ESR1: variants seen among roughly 807,000 people sequenced by gnomAD.
ESR1 encodes estrogen receptor 1.
In ESR1, 12 loss-of-function variants were observed where a neutral mutation model predicts 52.7. The ratio of observed to expected loss-of-function variants is 0.23; its 90% CI spans 0.15 to 0.37. The LOEUF is 0.37. ESR1 is among the 10% of genes least tolerant of loss of function. The pLI, the probability that ESR1 is intolerant of heterozygous loss-of-function variation, is 1.00. For synonymous variants in ESR1, 305 were observed against 316.8 expected, an observed-to-expected ratio of 0.96 and a Z score of 0.39; for missense variants, 584 against 779.7, an observed-to-expected ratio of 0.75 and a Z score of 2.99.
At chr6:151,665,201 G>A (rs1296572199) in intron 1 of ESR1, among the ~76,000 whole-genome samples, 1 of 152,094 alleles carries the variant, frequency 6.6e-6, no homozygotes, top group East Asian at 1.9e-4. Flanking sequence ...GAAGCCCTGG[G>A]AGTTCTCTAA....
intron 5 of ESR1, among the ~76,000 whole-genome samples, chr6:152,012,054 T>A (rs201785714): frequency 1.8e-4 from 21 of 118,128 alleles, no homozygotes; most frequent in Admixed American, 5.4e-4. Flanking sequence ...ACACTCACAC[T>A]CTCTCTCTCT....
chr6:151,956,945 C>T (rs1415284279), intron 4 of ESR1, among the ~76,000 whole-genome samples: 1 of 149,182 alleles, frequency 6.7e-6, no homozygotes, highest in East Asian at 2.0e-4. Flanking sequence ...GGCATGATCT[C>T]GGCTCACTGT....
rs142850494 is a variant in ESR1, at chr6:151,877,690, T to A, written c.644-2965T>A. Among the ~76,000 whole-genome samples, 251 of 152,332 alleles carry A rather than the reference T, an allele frequency of 1.6e-3. 2 individuals carry two copies. Among genetic ancestry groups the A allele is most frequent in the African/African-American group, 5.6e-3 (234 of 41,586 alleles). On this transcript the variant is annotated intron_variant, in intron 2 of 7. Transcript: ENST00000206249. ...TCTCTGACCCAATTCAGTTCTCCTG[T>A]CTTCTTCTGGCTTACAAAGTAACTG...
At chr6:151,876,155 G>C (rs1456558769) in intron 2 of ESR1, among the ~76,000 whole-genome samples, 1 of 152,208 alleles carries the variant, frequency 6.6e-6, no homozygotes, top group Non-Finnish European at 1.5e-5. Context: ...GGAGGGTCAA[G>C]TGAGGAAGGA....
At chr6:151,841,649 G>A (rs1784297776) in intron 1 of ESR1, among the ~76,000 whole-genome samples, 1 of 150,130 alleles carries the variant, frequency 6.7e-6, no homozygotes, top group South Asian at 2.1e-4. Context: ...TTATTTTCTT[G>A]GTTTTCCTAG....
chr6:151,732,522 ATGTGTGTGTGTT>A (rs1782325408), intron 2 of ESR1, among the ~76,000 whole-genome samples: 2 of 130,618 alleles, frequency 1.5e-5, no homozygotes, highest in Non-Finnish European at 3.3e-5. Flanking sequence ...ATGTTTGTGT[ATGTGTGTGTGTT>A]TGTGTGTGTG....
intron 4 of ESR1, among the ~76,000 whole-genome samples, chr6:152,005,786 C>A (rs1046527102): frequency 2.6e-5 from 4 of 152,066 alleles, no homozygotes; most frequent in African/African-American, 9.7e-5. Context: ...CTCATGACTT[C>A]ATTACTTCTG....
At chr6:151,890,935 C>G (rs952311268) in intron 3 of ESR1, among the ~76,000 whole-genome samples, 1 of 152,002 alleles carries the variant, frequency 6.6e-6, no homozygotes, top group African/African-American at 2.4e-5. Flanking sequence ...TTTTTTAAAT[C>G]CATTTACTCA....
rs2051014016 is a variant in ESR1, at chr6:152,103,239, A to T, written c.*4273A>T. 1 of 183,576 alleles carries T rather than the reference A, an allele frequency of 5.4e-6. No individual in the cohort carries two copies. Among genetic ancestry groups the T allele is most frequent in the East Asian group, 8.8e-5 (1 of 11,310 alleles). 11.4% of individuals were successfully genotyped at this position (183,576 alleles called of 1,614,324 possible). Reference sequence around the variant, plus strand: ...TCGAGCACCTGTAAACAATTTTCTCAACCTATTTGATGTTCAAATAAAGAA... The same window carrying T: ...TCGAGCACCTGTAAACAATTTTCTCTACCTATTTGATGTTCAAATAAAGAA... On this transcript the variant is annotated 3_prime_UTR_variant, in exon 8 of 8. Coordinates refer to ENST00000206249, the MANE Select transcript of ESR1 (RefSeq NM_000125.4).
rs147296679 is a variant in ESR1, at chr6:152,117,673, T to C, written c.851-7593T>C. Among the ~76,000 whole-genome samples, 369 of 152,340 alleles carry C rather than the reference T, an allele frequency of 2.4e-3. 1 individual carries two copies. Among genetic ancestry groups the C allele is most frequent in the African/African-American group, 5.9e-3 (246 of 41,586 alleles). On this transcript the variant is annotated intron_variant, in intron 6 of 6. Transcript: ENST00000427531. ...AGCACATCACCCTGCTTCTCATTAATCATTCCCAACTGTCCAGCCCCCTTA... is the reference window on the plus strand; with the variant it reads ...AGCACATCACCCTGCTTCTCATTAACCATTCCCAACTGTCCAGCCCCCTTA...
chr6:152,090,537 G>C (rs1478464668), intron 6 of ESR1, among the ~76,000 whole-genome samples: 1 of 152,206 alleles, frequency 6.6e-6, no homozygotes, highest in Non-Finnish European at 1.5e-5. Flanking sequence ...CCCATGGCAA[G>C]GGGACCCCTA....
intron 3 of ESR1, among the ~76,000 whole-genome samples, chr6:151,897,391 A>G (rs545043658): frequency 9.9e-5 from 15 of 152,184 alleles, no homozygotes; most frequent in Admixed American, 2.6e-4. Context: ...ATTTAGGATT[A>G]TGGTATTTTC....
chr6:151,777,658 G>T (rs759181220), intron 2 of ESR1, among the ~76,000 whole-genome samples: 22 of 152,170 alleles, frequency 1.4e-4, no homozygotes, highest in Middle Eastern at 3.4e-3. Flanking sequence ...GTGACCATGG[G>T]TGATTAAAAT....
intron 1 of ESR1, among the ~76,000 whole-genome samples, chr6:151,831,619 C>T (rs1782433110): frequency 6.6e-6 from 1 of 152,154 alleles, no homozygotes. Flanking sequence ...TGCCTGGGTC[C>T]TTGACTCCCT....
At chr6:151,697,232 C>T (rs1255296205) in intron 1 of ESR1, among the ~76,000 whole-genome samples, 1 of 151,864 alleles carries the variant, frequency 6.6e-6, no homozygotes. Flanking sequence ...AGGTGTCACA[C>T]CATTAAAAAA....
At chr6:151,808,475 G>T in intron 1 of ESR1, 111 bp downstream of exon 1, 1 of 1,001,732 alleles carries the variant, frequency 1.0e-6, no homozygotes, top group Non-Finnish European at 1.3e-6. Flanking sequence ...CGGGACGCGC[G>T]ACCCGAGGGT....
At chr6:151,698,932 T>C (rs1779570352) in intron 1 of ESR1, among the ~76,000 whole-genome samples, 1 of 152,104 alleles carries the variant, frequency 6.6e-6, no homozygotes, top group Admixed American at 6.6e-5. Flanking sequence ...ATCAAGCATA[T>C]AGCTCCTTCA....
At chr6:151,670,481 C>A (rs1025316662) in intron 1 of ESR1, among the ~76,000 whole-genome samples, 22 of 152,164 alleles carry the variant, frequency 1.4e-4, no homozygotes, top group Admixed American at 1.4e-3. Context: ...TGGCTCCTGG[C>A]ACATGGTAGG....
chr6:151,997,091 A>C (rs11966657), intron 4 of ESR1, among the ~76,000 whole-genome samples: 3,754 of 151,996 alleles, frequency 0.025, 132 homozygotes, highest in African/African-American at 0.083. Context: ...CAAAAAAAAA[A>C]CAAAGCAACA....
Sources: gnomAD v4.1 joint callset for allele counts (sites outside exome capture counted in the v4.1 genomes callset) on GRCh38, gnomAD v4.1.1 for gene constraint, MANE v1.5 for transcripts, NCBI Gene and HGNC (gene_info 2026-07-23, HGNC 2026-07-21) for gene names.